IL1RAPL1: variants seen among roughly 807,000 people sequenced by gnomAD.
IL1RAPL1 encodes interleukin 1 receptor accessory protein like 1, also known as interleukin-1 receptor accessory protein-like 1.
A neutral mutation model predicts 48.4 loss-of-function variants in IL1RAPL1; 3 were observed. The ratio of observed to expected loss-of-function variants is 0.06; its 90% CI spans 0.03 to 0.16. The LOEUF (loss-of-function observed/expected upper bound fraction) is 0.16. Among genes scored for constraint, IL1RAPL1 ranks in the 10% least tolerant of loss-of-function variants. The pLI is 1.00. For missense variants in IL1RAPL1, 349 were observed against 530.6 expected (o/e 0.66, Z 3.36); for synonymous variants, 185 against 187.7 (o/e 0.99, Z 0.12).
intron 3 of IL1RAPL1, among the ~76,000 whole-genome samples, chrX:29,329,892 G>A (rs750527272): frequency 9.1e-6 from 1 of 109,803 alleles, no homozygotes; most frequent in South Asian, 3.9e-4. Context: ...AGCTAAAGAA[G>A]GCAGCTATTA....
chrX:28,970,738 A>G (rs1925049948), intron 2 of IL1RAPL1, among the ~76,000 whole-genome samples: 2 of 111,839 alleles, frequency 1.8e-5, no homozygotes, highest in African/African-American at 6.5e-5. Context: ...TAACTTTTTA[A>G]GCTAAGCAGA....
At chrX:29,839,882 C>T (rs1188694306) in intron 6 of IL1RAPL1, among the ~76,000 whole-genome samples, 2 of 112,289 alleles carry the variant, frequency 1.8e-5, no homozygotes, top group African/African-American at 6.5e-5. Flanking sequence ...GATCACGCCG[C>T]ACCACTGCAC....
chrX:29,598,387 G>C (rs1410280731), intron 5 of IL1RAPL1, among the ~76,000 whole-genome samples: 1 of 112,046 alleles, frequency 8.9e-6, no homozygotes, highest in Admixed American at 9.5e-5. Context: ...TAGTCTGAGA[G>C]AGTACTTTAT....
Position 29,768,004 on chromosome X carries a change from C to G in IL1RAPL1, c.778+99500C>G, listed in dbSNP as rs183816268. ...TTATCAAGTCTTCCAAGCTTTTATT[C>G]ACCATTTTTAAATTATGTATTTATT... On this transcript the variant is annotated intron_variant, in intron 6 of 10. Transcript: ENST00000378993. Among the ~76,000 whole-genome samples the G allele has an allele frequency of 4.4e-3, 491 of 111,253 alleles. 3 individuals carry two copies. Among genetic ancestry groups the G allele is most frequent in the Admixed American group, 6.8e-3 (71 of 10,442 alleles).
rs761846998 is a variant in IL1RAPL1, at chrX:29,332,657, T to A, written c.362+49440T>A. Among the ~76,000 whole-genome samples the A allele has an allele frequency of 1.2e-3, 121 of 97,774 alleles. No individual in the cohort carries two copies. The East Asian group carries it at 0.015, about 12-fold the overall frequency. 84.9% of individuals were successfully genotyped at this position (97,774 alleles called of 115,157 possible). A position where few individuals can be genotyped will look rare whatever the true frequency, so the allele number is the denominator to read the frequency against. On this transcript the variant is annotated intron_variant, in intron 3 of 10. Coordinates refer to ENST00000378993, the MANE Select transcript of IL1RAPL1 (RefSeq NM_014271.4). ...ATTTATTTATTTATTTATTTTATTTTTTTTTTTTTATTGATCATTCTTGGG... is the reference window on the plus strand; with the variant it reads ...ATTTATTTATTTATTTATTTTATTTATTTTTTTTTATTGATCATTCTTGGG...
chrX:29,308,786 T>C (rs1932662826), intron 3 of IL1RAPL1, among the ~76,000 whole-genome samples: 1 of 112,096 alleles, frequency 8.9e-6, no homozygotes, highest in Non-Finnish European at 1.9e-5. Context: ...GAAAACATTG[T>C]CCAAGCGTCC....
intron 2 of IL1RAPL1, among the ~76,000 whole-genome samples, chrX:28,814,369 G>GTGTGTGTGTGTGTGTGTGTATGTGTA (rs1936833552): frequency 9.3e-6 from 1 of 107,747 alleles, no homozygotes; most frequent in Non-Finnish European, 1.9e-5. Flanking sequence ...GTGTGTGTGT[G>GTGTGTGTGTGTGTGTGTGTATGTGTA]TGTGTGTGTG....
chrX:28,939,397 T>C (rs1292473925), intron 2 of IL1RAPL1, among the ~76,000 whole-genome samples: 1 of 110,739 alleles, frequency 9.0e-6, no homozygotes, highest in Admixed American at 9.7e-5. Context: ...AGGATGGAGA[T>C]GAAGGCCATT....
At chrX:29,010,424 C>T (rs1232180585) in intron 2 of IL1RAPL1, among the ~76,000 whole-genome samples, 1 of 111,159 alleles carries the variant, frequency 9.0e-6, no homozygotes. Context: ...TCCTTTGATG[C>T]CTGGTTTCCG....
At chrX:29,112,567 C>G (rs1417150640) in intron 2 of IL1RAPL1, among the ~76,000 whole-genome samples, 1 of 108,839 alleles carries the variant, frequency 9.2e-6, no homozygotes, top group African/African-American at 3.3e-5. Context: ...TACCCTGGTC[C>G]TGTATCACAT....
intron 2 of IL1RAPL1, among the ~76,000 whole-genome samples, chrX:28,935,803 A>T (rs1307565685): frequency 8.9e-6 from 1 of 111,827 alleles, no homozygotes; most frequent in Non-Finnish European, 1.9e-5. Flanking sequence ...CCCCGCTAAG[A>T]TGCTGTTCTT....
At chrX:29,030,584 A>G (rs761045316) in intron 2 of IL1RAPL1, among the ~76,000 whole-genome samples, 3 of 111,404 alleles carry the variant, frequency 2.7e-5, no homozygotes, top group Non-Finnish European at 5.7e-5. Flanking sequence ...TTTGGCAAGG[A>G]TGGGGTAAAA....
At chrX:29,594,675 C>G (rs1362560610) in intron 5 of IL1RAPL1, among the ~76,000 whole-genome samples, 4 of 111,372 alleles carry the variant, frequency 3.6e-5, no homozygotes, top group Non-Finnish European at 7.5e-5. Context: ...AGTGTTATTA[C>G]AAAAGTGTGT....
chrX:29,814,866 C>T (rs1401012386), intron 6 of IL1RAPL1, among the ~76,000 whole-genome samples: 1 of 111,073 alleles, frequency 9.0e-6, no homozygotes, highest in Non-Finnish European at 1.9e-5. Flanking sequence ...ATTTTGTCGA[C>T]TTTGTTGAAG....
At chrX:29,496,352 G>A (rs775279388) in intron 5 of IL1RAPL1, among the ~76,000 whole-genome samples, 9 of 110,762 alleles carry the variant, frequency 8.1e-5, no homozygotes, top group African/African-American at 3.0e-4. Context: ...GGAGGTGTTT[G>A]GATCGTGGAG....
At chrX:29,435,974 G>A (rs1934477672) in intron 5 of IL1RAPL1, among the ~76,000 whole-genome samples, 1 of 109,947 alleles carries the variant, frequency 9.1e-6, no homozygotes. Flanking sequence ...GCTTCCATTA[G>A]GGGAAAAAAC....
chrX:29,400,221 T>C (rs1474046802), intron 5 of IL1RAPL1, among the ~76,000 whole-genome samples: 1 of 111,870 alleles, frequency 8.9e-6, no homozygotes, highest in African/African-American at 3.3e-5. Flanking sequence ...GTCACATAGG[T>C]TGGTGGAGTT....
intron 5 of IL1RAPL1, among the ~76,000 whole-genome samples, chrX:29,474,881 G>C (rs1000673950): frequency 9.0e-6 from 1 of 111,398 alleles, no homozygotes; most frequent in African/African-American, 3.3e-5. Flanking sequence ...TAAGCACCAG[G>C]TGAGTGTTAT....
chrX:29,174,935 G>C (rs1054130597), intron 2 of IL1RAPL1, among the ~76,000 whole-genome samples: 2 of 109,850 alleles, frequency 1.8e-5, no homozygotes, highest in Admixed American at 1.9e-4. Flanking sequence ...TTAGCCGGGC[G>C]TGGTGGCGGG....
Sources: allele counts gnomAD v4.1 joint callset (sites outside exome capture counted in the v4.1 genomes callset), GRCh38; gene constraint gnomAD v4.1.1; transcripts MANE v1.5; gene names NCBI Gene and HGNC (gene_info 2026-07-23, HGNC 2026-07-21).